Variants in MACROD2 observed in about 807,000 individuals in gnomAD.
The protein encoded by MACROD2 is ADP-ribose glycohydrolase MACROD2.
Under a neutral mutation model 70.4 loss-of-function variants are expected in MACROD2, and 36 were observed. The observed-to-expected ratio is 0.51, with a 90% CI of 0.39 to 0.68. The LOEUF (loss-of-function observed/expected upper bound fraction) is 0.68, where lower values mean the gene tolerates loss of function less well. Among genes scored for constraint, MACROD2 ranks in the 30% least tolerant of loss-of-function variants. The pLI is 0.00. For missense variants in MACROD2, 496 were observed against 538.4 expected (o/e 0.92, Z 0.78); for synonymous variants, 172 against 178.8 (o/e 0.96, Z 0.30).
chr20:15,368,461 C>CTTT (rs11479469), intron 6 of MACROD2, among the ~76,000 whole-genome samples: 6 of 136,842 alleles, frequency 4.4e-5, no homozygotes, highest in South Asian at 2.4e-4. Flanking sequence ...CAATCACAAA[C>CTTT]TTTTTTTTTT....
chr20:16,027,451 T>TTAAG (rs2067096459), intron 15 of MACROD2, among the ~76,000 whole-genome samples: 1 of 152,200 alleles, frequency 6.6e-6, no homozygotes, highest in Non-Finnish European at 1.5e-5. Context: ...ATGTATAGGA[T>TTAAG]TAAGTTATTC....
At chr20:14,095,564 A>G (rs1169606808) in intron 3 of MACROD2, among the ~76,000 whole-genome samples, 2 of 152,278 alleles carry the variant, frequency 1.3e-5, no homozygotes, top group East Asian at 3.9e-4. Context: ...TGTTCCTAGC[A>G]TCTTTCCTGT....
chr20:15,697,876 C>T (rs1490233596), intron 8 of MACROD2, among the ~76,000 whole-genome samples: 2 of 152,230 alleles, frequency 1.3e-5, no homozygotes, highest in African/African-American at 4.8e-5. Context: ...AATAGCTACC[C>T]CTGCTTGCTT....
At chr20:14,510,586 G>T (rs1652062128) in intron 4 of MACROD2, among the ~76,000 whole-genome samples, 1 of 152,016 alleles carries the variant, frequency 6.6e-6, no homozygotes, top group Admixed American at 6.6e-5. Flanking sequence ...ACTTTGGAGC[G>T]AGTTTTGTCT....
At chr20:15,672,768 T>C (rs984033806) in intron 8 of MACROD2, among the ~76,000 whole-genome samples, 3 of 152,174 alleles carry the variant, frequency 2.0e-5, no homozygotes, top group African/African-American at 4.8e-5. Context: ...CCTGGAGATC[T>C]TGGCCACTGA....
At chr20:14,103,594 G>C (rs1341474426) in intron 3 of MACROD2, among the ~76,000 whole-genome samples, 1 of 152,110 alleles carries the variant, frequency 6.6e-6, no homozygotes, top group Non-Finnish European at 1.5e-5. Context: ...TCTAATGTTT[G>C]TAAGTATATA....
At chr20:15,709,886 C>G (rs867627325) in intron 8 of MACROD2, among the ~76,000 whole-genome samples, 2 of 151,972 alleles carry the variant, frequency 1.3e-5, no homozygotes, top group African/African-American at 2.4e-5. Context: ...CTTATTTGTC[C>G]TATCAGGCTC....
At chr20:14,398,902 A>T (rs1600200441) in intron 3 of MACROD2, among the ~76,000 whole-genome samples, 1 of 152,180 alleles carries the variant, frequency 6.6e-6, no homozygotes. Context: ...TCCTTTTTTT[A>T]AAATTAAACA....
chr20:15,885,634 T>G, intron 9 of MACROD2, 130 bp from the exon 10 acceptor site: 2 of 804,854 alleles, frequency 2.5e-6, no homozygotes, highest in Non-Finnish European at 3.5e-6. Flanking sequence ...CAGAAATGCA[T>G]GTTTTAACAG....
At chr20:15,823,027 C>T (rs559911303) in intron 8 of MACROD2, among the ~76,000 whole-genome samples, 1 of 152,268 alleles carries the variant, frequency 6.6e-6, no homozygotes, top group African/African-American at 2.4e-5. Flanking sequence ...TCTATTATAG[C>T]AGAGAATGGC....
intron 3 of MACROD2, among the ~76,000 whole-genome samples, chr20:14,277,520 G>T (rs536194936): frequency 6.6e-6 from 1 of 152,178 alleles, no homozygotes; most frequent in South Asian, 2.1e-4. Flanking sequence ...TTAAAGGTAT[G>T]GGGAGAGTAA....
intron 5 of MACROD2, among the ~76,000 whole-genome samples, chr20:15,033,602 T>G (rs930098185): frequency 3.3e-5 from 5 of 152,240 alleles, no homozygotes; most frequent in African/African-American, 1.2e-4. Flanking sequence ...GTACCCCCAG[T>G]GGTGTGATGG....
At chr20:15,324,181 CTT>C (rs1005200370) in intron 6 of MACROD2, among the ~76,000 whole-genome samples, 3 of 151,954 alleles carry the variant, frequency 2.0e-5, no homozygotes, top group East Asian at 1.9e-4. Context: ...GTTATTCTCT[CTT>C]TCTCTCTCTC....
intron 5 of MACROD2, among the ~76,000 whole-genome samples, chr20:14,990,367 T>A (rs2074890495): frequency 1.3e-5 from 2 of 152,090 alleles, no homozygotes; most frequent in Admixed American, 1.3e-4. Context: ...GCAGATTTGC[T>A]AGCCTGCTAT....
At chr20:15,594,501 C>A (rs1240039958) in intron 8 of MACROD2, among the ~76,000 whole-genome samples, 3 of 152,190 alleles carry the variant, frequency 2.0e-5, no homozygotes, top group Non-Finnish European at 4.4e-5. Context: ...AAAGGCTGCA[C>A]CAAGCCTCAC....
At chr20:15,506,161 A>G (rs1392559382) in intron 8 of MACROD2, among the ~76,000 whole-genome samples, 6 of 152,182 alleles carry the variant, frequency 3.9e-5, no homozygotes, top group Non-Finnish European at 7.3e-5. Flanking sequence ...TAAGATGCCG[A>G]TAGCCAGAGA....
chr20:15,413,632 A>G (rs752822903), intron 6 of MACROD2, among the ~76,000 whole-genome samples: 1 of 152,140 alleles, frequency 6.6e-6, no homozygotes, highest in Non-Finnish European at 1.5e-5. Flanking sequence ...TGGGATTTTA[A>G]AAAAATTGTA....
At position 14,905,171 on chromosome 20, in the gene MACROD2, A is replaced by G. The variant is rs180929978; in HGVS notation, c.418+220212A>G. 6 of 152,254 alleles carry G rather than the reference A, an allele frequency of 3.9e-5. No homozygotes were observed. In the East Asian group the frequency reaches 1.2e-3, roughly 30 times the overall value. The allele number at this position is 152,254 out of a possible 1,614,324, so 9.4% of individuals were successfully genotyped here. A position where few individuals can be genotyped will look rare whatever the true frequency, so the allele number is the denominator to read the frequency against. On this transcript the variant is annotated intron_variant, in intron 5 of 17. Coordinates refer to ENST00000684519, the MANE Select transcript of MACROD2 (RefSeq NM_001351661.2). Reference sequence around the variant, plus strand: ...GATATATGGCTTGGAAATAAGGAAAAATATTTCTTGGAAGGGAGAGATTTG... The same window carrying G: ...GATATATGGCTTGGAAATAAGGAAAGATATTTCTTGGAAGGGAGAGATTTG...
At chr20:15,499,876 T>A (rs201798358) in intron 8 of MACROD2, 29 bp downstream of exon 8, 4 of 1,599,720 alleles carry the variant, frequency 2.5e-6, no homozygotes, top group African/African-American at 2.7e-5. Context: ...TCAGTGAACA[T>A]CCAAGATGAT....
Sources: allele counts gnomAD v4.1 joint callset (sites outside exome capture counted in the v4.1 genomes callset), GRCh38; gene constraint gnomAD v4.1.1; transcripts MANE v1.5; gene names NCBI Gene and HGNC (gene_info 2026-07-23, HGNC 2026-07-21).